The following SLC28A1 variants were observed in gnomAD, a reference collection of about 807,000 sequenced individuals.
SLC28A1 encodes sodium/nucleoside cotransporter 1.
Under a neutral mutation model 74.8 loss-of-function variants are expected in SLC28A1, and 64 were observed. That is an observed-to-expected ratio of 0.86 (90% confidence interval 0.70 to 1.05). SLC28A1 has a LOEUF of 1.05. SLC28A1 is among the 50% of genes least tolerant of loss of function. The pLI is 0.00. For synonymous variants in SLC28A1, 359 were observed against 335.0 expected (o/e 1.07, Z -0.78); for missense variants, 828 against 822.8 (o/e 1.01, Z -0.08).
the SLC28A1 span, among the ~76,000 whole-genome samples, chr15:84,973,939 G>C: frequency 6.6e-6 from 1 of 152,176 alleles, no homozygotes; most frequent in Non-Finnish European, 1.5e-5. Flanking sequence ...TTCTCTTCAA[G>C]CAGGCTTGGG....
At chr15:84,958,737 A>G in the SLC28A1 span, among the ~76,000 whole-genome samples, 3 of 152,100 alleles carry the variant, frequency 2.0e-5, no homozygotes, top group Non-Finnish European at 2.9e-5. Context: ...AATTTCTTTT[A>G]TAGAGATGAG....
In SLC28A1 at chr15:84,945,576, C is replaced by A. The variant is rs1211732684; in HGVS notation, c.*376C>A. 2 of 317,280 alleles carry A rather than the reference C, an allele frequency of 6.3e-6. No homozygotes were observed. The highest frequency in any genetic ancestry group is 1.2e-5 in the Non-Finnish European group (2 of 162,726). 19.7% of individuals were successfully genotyped at this position (317,280 alleles called of 1,614,324 possible). On this transcript the variant is annotated 3_prime_UTR_variant, in exon 19 of 19. Coordinates refer to ENST00000394573, the MANE Select transcript of SLC28A1 (RefSeq NM_004213.5). ...TGTTGTGGGCTGCACACCAAAGCCT[C>A]CTCCCCTCCCCACTTCCTAGGCACT...
intron 2 of SLC28A1, chr15:84,887,339 G>T: frequency 2.1e-5 from 21 of 985,250 alleles, no homozygotes; most frequent in Non-Finnish European, 2.4e-5. Flanking sequence ...AGAATTTGCT[G>T]TTTCTGCCTG....
chr15:84,936,845 G>C (rs1233623307), intron 15 of SLC28A1, among the ~76,000 whole-genome samples: 1 of 152,086 alleles, frequency 6.6e-6, no homozygotes, highest in African/African-American at 2.4e-5. Flanking sequence ...TTGAGGCCAG[G>C]AGTTCAAGAC....
chr15:84,964,890 G>A, the SLC28A1 span, among the ~76,000 whole-genome samples: 1 of 152,228 alleles, frequency 6.6e-6, no homozygotes, highest in African/African-American at 2.4e-5. Flanking sequence ...TGCGTCTGCA[G>A]CTGGAAGCAG....
intron 6 of SLC28A1, chr15:84,895,595 G>A: frequency 6.6e-7 from 1 of 1,507,418 alleles, no homozygotes; most frequent in Non-Finnish European, 8.9e-7. Flanking sequence ...TTTTCAAACT[G>A]GATTCCTTGG....
chr15:84,892,156 C>T (rs1175378115), intron 5 of SLC28A1, among the ~76,000 whole-genome samples: 1 of 151,644 alleles, frequency 6.6e-6, no homozygotes, highest in African/African-American at 2.4e-5. Context: ...TTGAGACCAG[C>T]CTGGGCCACA....
chr15:84,886,826 G>C (rs867866752), intron 2 of SLC28A1, 39 bp downstream of exon 2: 1 of 941,194 alleles, frequency 1.1e-6, no homozygotes, highest in African/African-American at 1.8e-5. Flanking sequence ...GTGCGCTGCT[G>C]TGCGTCTGTG....
chr15:84,928,524 T>G (rs1970771607), intron 12 of SLC28A1, among the ~76,000 whole-genome samples: 6 of 25,352 alleles, frequency 2.4e-4, no homozygotes, highest in Non-Finnish European at 3.7e-4. Flanking sequence ...CCCAGGTTCG[T>G]TCGTTCTTTC....
At chr15:84,957,236 C>G in the SLC28A1 span, among the ~76,000 whole-genome samples, 1 of 152,050 alleles carries the variant, frequency 6.6e-6, no homozygotes, top group Non-Finnish European at 1.5e-5. Context: ...CAACTCCATT[C>G]TTTTGCACGT....
chr15:84,956,862 T>C, the SLC28A1 span, among the ~76,000 whole-genome samples: 1 of 152,038 alleles, frequency 6.6e-6, no homozygotes, highest in African/African-American at 2.4e-5. Flanking sequence ...TTTAAGACAG[T>C]AAGATGTGCC....
intron 8 of SLC28A1, 107 bp from the exon 9 acceptor site, chr15:84,908,611 G>C: frequency 1.1e-6 from 1 of 893,514 alleles, no homozygotes; most frequent in Non-Finnish European, 1.8e-6. Flanking sequence ...AAGGGCCTGG[G>C]GGGACTACGT....
intron 12 of SLC28A1, among the ~76,000 whole-genome samples, chr15:84,932,376 A>C (rs1278307385): frequency 1.3e-5 from 2 of 152,196 alleles, no homozygotes; most frequent in Non-Finnish European, 2.9e-5. Context: ...GTGAAGATAA[A>C]ACTTCAGGAA....
Position 84,888,778 on chromosome 15 carries a change from G to A in SLC28A1, c.103G>A (p.Gly35Ser). 6.4e-7 allele frequency: 1 copy of A among 1,553,114 alleles called. No homozygotes were observed. Among genetic ancestry groups the A allele is most frequent in the Non-Finnish European group, 8.7e-7 (1 of 1,147,892 alleles). ...GGCTCCCTGCGGGCTGTAGGAGGAA[G>A]GCCAGCTCCCTAGGAGTGACTTGAG... ...GADFLESLEEGQLPRSDLSPA... is the reference protein window; with the variant it reads ...GADFLESLEESQLPRSDLSPA... Residue 35 changes from glycine to serine, a missense_variant, in exon 4 of 19, where the codon GGC becomes AGC. Transcript: ENST00000394573.
intron 9 of SLC28A1, among the ~76,000 whole-genome samples, chr15:84,912,797 T>TGCGCGCGCGCGTGTGCGC (rs148740007): frequency 1.7e-5 from 2 of 118,174 alleles, no homozygotes; most frequent in African/African-American, 6.6e-5. Context: ...TGCCAAATTT[T>TGCGCGCGCGCGTGTGCGC]GCGCGCGCGC....
intron 6 of SLC28A1, among the ~76,000 whole-genome samples, chr15:84,901,068 A>G (rs1371460921): frequency 6.6e-6 from 1 of 152,156 alleles, no homozygotes; most frequent in Admixed American, 6.5e-5. Context: ...CTAAAAATAC[A>G]AAAATTAGCT....
chr15:84,923,817 T>G (rs112813797), intron 11 of SLC28A1, among the ~76,000 whole-genome samples, 168 bp from the exon 12 acceptor site: 1 of 151,912 alleles, frequency 6.6e-6, no homozygotes, highest in Non-Finnish European at 1.5e-5. Flanking sequence ...TCTGTAGAGG[T>G]AGGCAATGCT....
At chr15:84,897,048 T>C (rs1188806847) in intron 6 of SLC28A1, among the ~76,000 whole-genome samples, 13 of 151,954 alleles carry the variant, frequency 8.6e-5, no homozygotes, top group Admixed American at 8.5e-4. Context: ...TGGTAATGGT[T>C]GCACAAATCT....
chr15:84,908,698 G>T lies in SLC28A1; in HGVS notation c.718-20G>T, dbSNP rs763195001. Reference sequence around the variant, plus strand: ...CCAGCCTCACTGCCTGTTTTTGTTTGTTTTGCTTTTTTCTTTCAGATCTTC... The same window carrying T: ...CCAGCCTCACTGCCTGTTTTTGTTTTTTTTGCTTTTTTCTTTCAGATCTTC... On this transcript the variant is annotated intron_variant, in intron 8 of 18. Transcript: ENST00000394573. The T allele has an allele frequency of 6.2e-7, 1 of 1,609,806 alleles. No homozygotes were observed. The highest frequency in any genetic ancestry group is 8.5e-7 in the Non-Finnish European group (1 of 1,178,278).
Sources: gnomAD v4.1 joint callset for allele counts (sites outside exome capture counted in the v4.1 genomes callset) on GRCh38, gnomAD v4.1.1 for gene constraint, MANE v1.5 for transcripts, NCBI Gene and HGNC (gene_info 2026-07-23, HGNC 2026-07-21) for gene names.